Variants in FMN1 observed in about 807,000 individuals in gnomAD.
FMN1 encodes formin 1, also known as formin-1.
Under a neutral mutation model 132.4 loss-of-function variants are expected in FMN1, and 110 were observed. The observed-to-expected ratio is 0.83, with a 90% CI of 0.71 to 0.97. FMN1 has a LOEUF of 0.97. FMN1 is among the 50% of genes least tolerant of loss of function. The probability of loss-of-function intolerance (pLI) is 0.00; values close to 1 mark genes in which losing one functional copy is unlikely to be tolerated. For synonymous variants in FMN1, 722 were observed against 651.7 expected, an observed-to-expected ratio of 1.11 and a Z score of -1.64; for missense variants, 1,792 against 1,705.3, an observed-to-expected ratio of 1.05 and a Z score of -0.90.
At chr15:32,988,276 G>T (rs2033209867) in intron 7 of FMN1, among the ~76,000 whole-genome samples, 1 of 152,038 alleles carries the variant, frequency 6.6e-6, no homozygotes, top group Non-Finnish European at 1.5e-5. Flanking sequence ...ACCTTGCAGA[G>T]ATAAAGCGTT....
chr15:33,132,007 G>A (rs915238062), intron 4 of FMN1, among the ~76,000 whole-genome samples: 8 of 152,106 alleles, frequency 5.3e-5, no homozygotes, highest in African/African-American at 9.7e-5. Context: ...GAAGTGCCCC[G>A]AAATGACCTT....
At chr15:32,915,005 TA>T (rs1269332500) in intron 10 of FMN1, among the ~76,000 whole-genome samples, 1 of 152,190 alleles carries the variant, frequency 6.6e-6, no homozygotes, top group African/African-American at 2.4e-5. Flanking sequence ...GGAAGGATCT[TA>T]AAAATAAAAT....
intron 7 of FMN1, among the ~76,000 whole-genome samples, chr15:32,996,524 G>A (rs190320738): frequency 1.3e-5 from 2 of 152,288 alleles, no homozygotes; most frequent in East Asian, 3.9e-4. Flanking sequence ...GGACCTTTAA[G>A]ATCTTCCAGA....
chr15:33,110,339 A>T (rs929705166), intron 4 of FMN1, among the ~76,000 whole-genome samples: 4 of 152,120 alleles, frequency 2.6e-5, no homozygotes, highest in African/African-American at 9.7e-5. Flanking sequence ...GGAAATGCTT[A>T]TAACATGTGG....
chr15:32,810,360 T>A (rs1440895758), intron 17 of FMN1, among the ~76,000 whole-genome samples: 1 of 152,104 alleles, frequency 6.6e-6, no homozygotes, highest in African/African-American at 2.4e-5. Context: ...TAGTGAAGAG[T>A]AGAGTAGAAC....
At position 33,023,685 on chromosome 15, in the gene FMN1, G is replaced by C. The variant is rs113006453; in HGVS notation, c.2162-15610C>G. Reference sequence around the variant, plus strand: ...TGGTGCAAGAAAGGATAATAGGAAAGAGCAAATACTGAAGAGACCCTGGCA... The same window carrying C: ...TGGTGCAAGAAAGGATAATAGGAAACAGCAAATACTGAAGAGACCCTGGCA... On this transcript the variant is annotated intron_variant, in intron 6 of 20. Transcript: ENST00000616417. 7.2e-3 allele frequency among the ~76,000 whole-genome samples: 1,095 copies of C among 152,192 alleles called. 10 individuals are homozygous for C. Among genetic ancestry groups the C allele is most frequent in the African/African-American group, 0.024 (1,017 of 41,520 alleles).
intron 6 of FMN1, among the ~76,000 whole-genome samples, chr15:33,059,305 C>T (rs1210675740): frequency 2.6e-5 from 4 of 152,164 alleles, no homozygotes; most frequent in Non-Finnish European, 5.9e-5. Context: ...CTGATGAATA[C>T]TTACACTGAT....
At chr15:33,015,334 T>C (rs1385666063) in intron 6 of FMN1, among the ~76,000 whole-genome samples, 1 of 152,170 alleles carries the variant, frequency 6.6e-6, no homozygotes, top group Non-Finnish European at 1.5e-5. Context: ...ACAGGGAGGT[T>C]TGAAGAGCCA....
intron 7 of FMN1, among the ~76,000 whole-genome samples, chr15:32,982,658 C>G (rs2032771802): frequency 6.6e-6 from 1 of 152,062 alleles, no homozygotes; most frequent in Non-Finnish European, 1.5e-5. Context: ...GTAGGTGGGC[C>G]TCATGCAATC....
chr15:33,007,325 G>T (rs1192079451), intron 7 of FMN1, among the ~76,000 whole-genome samples: 3 of 152,120 alleles, frequency 2.0e-5, no homozygotes, highest in African/African-American at 7.2e-5. Flanking sequence ...GAAGCAGGGG[G>T]TTACTGCAGC....
chr15:33,053,481 C>T (rs11854912), intron 6 of FMN1, among the ~76,000 whole-genome samples: 50 of 152,130 alleles, frequency 3.3e-4, no homozygotes, highest in African/African-American at 1.2e-3. Context: ...AGACGGGGTG[C>T]CCCTGCTGCA....
chr15:33,181,946 G>A (rs958982678), intron 2 of FMN1, among the ~76,000 whole-genome samples: 4 of 152,002 alleles, frequency 2.6e-5, no homozygotes, highest in African/African-American at 9.7e-5. Context: ...CTGACCTCAG[G>A]TGATCTACCT....
At position 32,847,265 on chromosome 15, in the gene FMN1, G is replaced by C. The variant is rs528541518; in HGVS notation, c.3928+9750C>G. 3.3e-5 allele frequency among the ~76,000 whole-genome samples: 5 copies of C among 150,200 alleles called. No homozygotes were observed. In the South Asian group the frequency reaches 6.6e-4, roughly 20 times the overall value. ...TAAACTGGTTCCATAACGTTGAAAA[G>C]ATGTAGGGGTGTGTGTGTGTGTATG... On this transcript the variant is annotated intron_variant, in intron 17 of 20. Coordinates refer to ENST00000616417, the MANE Select transcript of FMN1 (RefSeq NM_001277313.2).
intron 10 of FMN1, among the ~76,000 whole-genome samples, chr15:32,911,586 T>A (rs1470286863): frequency 6.6e-6 from 1 of 152,198 alleles, no homozygotes; most frequent in East Asian, 1.9e-4. Flanking sequence ...TAGAATCACA[T>A]GAACCCTTTC....
chr15:33,076,737 GTTTC>G (rs2038228066), intron 5 of FMN1, among the ~76,000 whole-genome samples: 1 of 152,018 alleles, frequency 6.6e-6, no homozygotes. Context: ...GATTCTAAAT[GTTTC>G]TTTTCATGAC....
intron 4 of FMN1, among the ~76,000 whole-genome samples, chr15:33,130,772 A>T (rs1476617291): frequency 6.6e-6 from 1 of 152,138 alleles, no homozygotes. Context: ...AAACACTTAC[A>T]TTTGCTTGTC....
At chr15:33,077,733 A>C (rs1371925982) in intron 5 of FMN1, among the ~76,000 whole-genome samples, 1 of 151,722 alleles carries the variant, frequency 6.6e-6, no homozygotes, top group East Asian at 1.9e-4. Flanking sequence ...AAATTTTTGC[A>C]ACCTACTCAT....
intron 17 of FMN1, among the ~76,000 whole-genome samples, chr15:32,830,713 G>T (rs1319983510): frequency 6.6e-6 from 1 of 152,118 alleles, no homozygotes; most frequent in Non-Finnish European, 1.5e-5. Flanking sequence ...TTATATTATT[G>T]AGTAGAAACC....
At chr15:33,026,142 T>C (rs1017172802) in intron 6 of FMN1, among the ~76,000 whole-genome samples, 2 of 142,234 alleles carry the variant, frequency 1.4e-5, no homozygotes, top group East Asian at 2.1e-4. Context: ...CAGAGGTTGA[T>C]TGTAAACAGC....
Sources: gnomAD v4.1 joint callset for allele counts (sites outside exome capture counted in the v4.1 genomes callset) on GRCh38, gnomAD v4.1.1 for gene constraint, MANE v1.5 for transcripts, NCBI Gene and HGNC (gene_info 2026-07-23, HGNC 2026-07-21) for gene names.